Variants in MEIS2 observed in about 807,000 individuals in gnomAD.
MEIS2 encodes the protein homeobox protein Meis2.
Under a neutral mutation model 58.6 loss-of-function variants are expected in MEIS2, and 9 were observed. The ratio of observed to expected loss-of-function variants is 0.15; its 90% confidence interval spans 0.09 to 0.27. The LOEUF is 0.27. MEIS2 is among the 10% of genes least tolerant of loss of function. The probability of loss-of-function intolerance (pLI) is 1.00; values close to 1 mark genes in which losing one functional copy is unlikely to be tolerated. For synonymous variants in MEIS2, 221 were observed against 228.4 expected (o/e 0.97, Z 0.29); for missense variants, 427 against 635.0 (o/e 0.67, Z 3.52).
intron 8 of MEIS2, among the ~76,000 whole-genome samples, chr15:36,958,182 T>C (rs912515232): frequency 1.3e-5 from 2 of 152,058 alleles, no homozygotes; most frequent in Admixed American, 6.6e-5. Context: ...AATTAAAATG[T>C]TTGGTGGATA....
At chr15:36,898,659 G>A (rs62002369) in intron 9 of MEIS2, 14,674 of 152,094 alleles carry the variant, frequency 0.096, 862 homozygotes, top group Admixed American at 0.19. Context: ...TACTCACAGA[G>A]CTGCAAGGCA....
intron 8 of MEIS2, among the ~76,000 whole-genome samples, chr15:36,979,394 A>G (rs1595860028): frequency 6.6e-6 from 1 of 152,122 alleles, no homozygotes; most frequent in Admixed American, 6.6e-5. Context: ...TACTCCATGT[A>G]AACACTCTTC....
At chr15:36,901,223 C>T (rs981875226) in intron 9 of MEIS2, 1 of 152,176 alleles carries the variant, frequency 6.6e-6, no homozygotes, top group Non-Finnish European at 1.5e-5. Flanking sequence ...AGCCACAGTG[C>T]TTATTCACAG....
At chr15:37,014,866 T>G (rs2061291611) in intron 8 of MEIS2, among the ~76,000 whole-genome samples, 1 of 151,926 alleles carries the variant, frequency 6.6e-6, no homozygotes, top group Non-Finnish European at 1.5e-5. Flanking sequence ...TTTTTGCTCC[T>G]TATCAGCACC....
chr15:37,048,657 A>T (rs1306269903), intron 7 of MEIS2, among the ~76,000 whole-genome samples: 1 of 152,114 alleles, frequency 6.6e-6, no homozygotes, highest in Non-Finnish European at 1.5e-5. Flanking sequence ...TAAAAGTGTA[A>T]CTTCGAAACT....
At chr15:36,958,064 C>T (rs1393717047) in intron 8 of MEIS2, among the ~76,000 whole-genome samples, 1 of 152,100 alleles carries the variant, frequency 6.6e-6, no homozygotes, top group Non-Finnish European at 1.5e-5. Flanking sequence ...CAGGAAGATT[C>T]ACTTCCATTT....
At chr15:37,074,220 T>C (rs1307571517) in intron 7 of MEIS2, among the ~76,000 whole-genome samples, 7 of 152,000 alleles carry the variant, frequency 4.6e-5, no homozygotes, top group African/African-American at 1.7e-4. Flanking sequence ...CTATTGGTAT[T>C]AATACTACCA....
intron 9 of MEIS2, among the ~76,000 whole-genome samples, chr15:36,906,637 T>G (rs1194076449): frequency 2.3e-5 from 3 of 132,168 alleles, no homozygotes; most frequent in African/African-American, 8.6e-5. Context: ...TGACAAAGTA[T>G]GTCAGCCACT....
intron 8 of MEIS2, among the ~76,000 whole-genome samples, chr15:36,998,682 T>G (rs1170410130): frequency 6.6e-6 from 1 of 152,204 alleles, no homozygotes; most frequent in Non-Finnish European, 1.5e-5. Context: ...GTTGGCCCAT[T>G]GTTTCAACCC....
At chr15:36,985,433 A>G (rs1024182881) in intron 8 of MEIS2, among the ~76,000 whole-genome samples, 19 of 151,772 alleles carry the variant, frequency 1.3e-4, no homozygotes, top group Admixed American at 1.2e-3. Context: ...TTTCTATTTC[A>G]TATTTTTGCC....
rs764860578 is a variant in MEIS2, at chr15:36,978,684, T to C, written c.901-28284A>G. Among the ~76,000 whole-genome samples, 56 of 152,234 alleles carry C rather than the reference T, an allele frequency of 3.7e-4. 1 individual carries two copies. Among genetic ancestry groups the C allele is most frequent in the Non-Finnish European group, 6.9e-4 (47 of 68,038 alleles). ...CCAAAACTTTTTCTTTCCATACTTA[T>C]TTGAATTTGTATCTTTTACAAAAAA... is the stretch of plus-strand genomic sequence containing the variant. On this transcript the variant is annotated intron_variant, in intron 8 of 11. Coordinates refer to ENST00000561208, the MANE Select transcript of MEIS2 (RefSeq NM_170675.5).
intron 9 of MEIS2, among the ~76,000 whole-genome samples, chr15:36,921,620 T>A (rs1329566416): frequency 1.3e-5 from 2 of 152,180 alleles, no homozygotes; most frequent in Non-Finnish European, 2.9e-5. Context: ...TGCCCCCACC[T>A]TTTGTGTTGT....
rs986090128 is a variant in MEIS2 at position 37,005,571 on chromosome 15, C to CT, written c.900+31242dup. On this transcript the variant is annotated intron_variant, in intron 8 of 11. Coordinates refer to ENST00000561208, the MANE Select transcript of MEIS2 (RefSeq NM_170675.5). ...GCCAGTCCTACCCATCATGATGGAA[C>CT]TTTTTTTTTTGAGATAAGGTCTCCC... is the stretch of plus-strand genomic sequence containing the variant. 6.0e-5 allele frequency among the ~76,000 whole-genome samples: 9 copies of CT among 149,730 alleles called. No homozygotes were observed. In the South Asian group the frequency reaches 8.5e-4, roughly 14 times the overall value.
chr15:37,050,887 G>A (rs1304182734), intron 7 of MEIS2: 2 of 152,088 alleles, frequency 1.3e-5, no homozygotes, highest in East Asian at 3.9e-4. Context: ...CCTGTGACTG[G>A]TTTTAATCAA....
chr15:36,962,975 G>T (rs1412765401), intron 8 of MEIS2, among the ~76,000 whole-genome samples: 1 of 152,210 alleles, frequency 6.6e-6, no homozygotes, highest in Non-Finnish European at 1.5e-5. Context: ...GGTAAGAGAG[G>T]ATAGTTTTTA....
chr15:37,097,886 G>T (rs1596138375), intron 2 of MEIS2, 81 bp downstream of exon 2: 1 of 1,474,656 alleles, frequency 6.8e-7, no homozygotes, highest in South Asian at 1.4e-5. Context: ...CCACTTAGTC[G>T]TCCACCTTCC....
rs552688089 is a variant in MEIS2, at chr15:36,978,712, C to T, written c.901-28312G>A. On this transcript the variant is annotated intron_variant, in intron 8 of 11. Coordinates refer to ENST00000561208, the MANE Select transcript of MEIS2 (RefSeq NM_170675.5). Reference sequence around the variant, plus strand: ...GAATTTGTATCTTTTACAAAAAAATCGGCTCATACTGCATATACTCTTTTC... The same window carrying T: ...GAATTTGTATCTTTTACAAAAAAATTGGCTCATACTGCATATACTCTTTTC... Among the ~76,000 whole-genome samples, 34 of 152,234 alleles carry T rather than the reference C, an allele frequency of 2.2e-4. No individual in the cohort carries two copies. The South Asian group carries it at 2.3e-3, about 10-fold the overall frequency.
At chr15:37,000,173 T>G (rs919242170) in intron 8 of MEIS2, among the ~76,000 whole-genome samples, 1 of 152,206 alleles carries the variant, frequency 6.6e-6, no homozygotes, top group African/African-American at 2.4e-5. Flanking sequence ...CTCAATTGGT[T>G]GAATCAATTA....
At position 36,890,198 on chromosome 15, in the gene MEIS2, G is replaced by A. The variant is rs1370220610; in HGVS notation, c.*1975C>T. 1 of 152,058 alleles carries A rather than the reference G, an allele frequency of 6.6e-6. No individual in the cohort carries two copies. Among genetic ancestry groups the A allele is most frequent in the Non-Finnish European group, 1.5e-5 (1 of 67,984 alleles). 9.4% of individuals were successfully genotyped at this position (152,058 alleles called of 1,614,324 possible). ...TATGACATTATTCTTTCTAAACAAA[G>A]ATTCAAAATTTAAGAGTTAAAAAAT... On this transcript the variant is annotated 3_prime_UTR_variant, in exon 12 of 12. Coordinates refer to ENST00000561208, the MANE Select transcript of MEIS2 (RefSeq NM_170675.5).
Sources: gnomAD v4.1 joint callset for allele counts (sites outside exome capture counted in the v4.1 genomes callset) on GRCh38, gnomAD v4.1.1 for gene constraint, MANE v1.5 for transcripts, NCBI Gene and HGNC (gene_info 2026-07-23, HGNC 2026-07-21) for gene names.